Variants in NEBL observed in about 807,000 individuals in gnomAD.
NEBL encodes the protein LIM and SH3 protein 2.
Under a neutral mutation model 140.2 loss-of-function variants are expected in NEBL, and 122 were observed. That is an observed-to-expected ratio of 0.87 (90% confidence interval 0.75 to 1.01). The LOEUF (loss-of-function observed/expected upper bound fraction) is 1.01. NEBL is among the 50% of genes least tolerant of loss of function. NEBL has a pLI of 0.00. For missense variants in NEBL, 1,365 were observed against 1,231.3 expected (o/e 1.11, Z -1.62); for synonymous variants, 436 against 398.9 (o/e 1.09, Z -1.11).
intron 2 of NEBL, among the ~76,000 whole-genome samples, chr10:21,064,323 T>C (rs1835435423): frequency 1.3e-5 from 2 of 152,248 alleles, no homozygotes; most frequent in Admixed American, 1.3e-4. Context: ...GTTTTAGGAT[T>C]TCACTGCAAA....
chr10:20,788,380 A>G (rs745588656), intron 26 of NEBL, among the ~76,000 whole-genome samples: 4 of 152,176 alleles, frequency 2.6e-5, no homozygotes, highest in Non-Finnish European at 5.9e-5. Flanking sequence ...TTTATTCAGA[A>G]CAGTTTTTAT....
chr10:20,894,371 G>A (rs1169074618), intron 2 of NEBL, among the ~76,000 whole-genome samples: 1 of 152,020 alleles, frequency 6.6e-6, no homozygotes, highest in Admixed American at 6.6e-5. Flanking sequence ...CACTTGGAAG[G>A]CTAAGGCTGG....
chr10:21,019,739 G>C (rs11012492), intron 3 of NEBL, among the ~76,000 whole-genome samples: 41,303 of 152,136 alleles, frequency 0.27, 11,017 homozygotes, highest in African/African-American at 0.68. Flanking sequence ...GGTGTTAGCC[G>C]CACACACACT....
rs1366351915 is a variant in NEBL at position 20,785,041 on chromosome 10, G to T, written c.*706C>A. 6.5e-6 allele frequency: 1 copy of T among 152,998 alleles called. No homozygotes were observed. Among genetic ancestry groups the T allele is most frequent in the Non-Finnish European group, 1.5e-5 (1 of 68,340 alleles). The allele number at this position is 152,998 out of a possible 1,614,324, so 9.5% of individuals were successfully genotyped here. ...GACATTATAATTTGCCCTTTGCAGA[G>T]TAGCTGTGAAGTTATTTGGTCCTGA... On this transcript the variant is annotated 3_prime_UTR_variant, in exon 28 of 28. Coordinates refer to ENST00000377122, the MANE Select transcript of NEBL (RefSeq NM_006393.3).
At position 20,812,894 on chromosome 10, in the gene NEBL, G is replaced by A. The variant is rs1439322657; in HGVS notation, c.2393C>T (p.Thr798Ile). Residue 798 changes from threonine (T) to isoleucine (I), a missense_variant, in exon 24 of 28, where the codon ACT becomes ATT. Thr to Ile is a moderately conservative substitution (Grantham distance 89, BLOSUM62 -1). Coordinates refer to ENST00000377122, the MANE Select transcript of NEBL (RefSeq NM_006393.3). ...DFEKTKGRGF[T>I]PVVDDPVTER... ...TGTCACAGGATCGTCCACGACGGGA[G>A]TAAAGCCTCTCCCCTTTGTTTTTTC... 13 of 1,613,854 alleles carry A rather than the reference G, an allele frequency of 8.1e-6. No homozygotes were observed. Among genetic ancestry groups the A allele is most frequent in the African/African-American group, 1.3e-5 (1 of 74,906 alleles).
At chr10:21,278,031 A>C (rs1218701133) in intron 1 of NEBL, among the ~76,000 whole-genome samples, 2 of 152,322 alleles carry the variant, frequency 1.3e-5, no homozygotes, top group Non-Finnish European at 2.9e-5. Context: ...TGCTCAGTAA[A>C]TTTTAGCTGC....
At chr10:21,104,732 T>C (rs1837631668) in intron 2 of NEBL, among the ~76,000 whole-genome samples, 1 of 152,190 alleles carries the variant, frequency 6.6e-6, no homozygotes, top group African/African-American at 2.4e-5. Flanking sequence ...TCTCCTGCCT[T>C]ACTGCACTGA....
At chr10:20,980,118 G>T (rs1037950045) in intron 3 of NEBL, among the ~76,000 whole-genome samples, 1 of 151,082 alleles carries the variant, frequency 6.6e-6, no homozygotes, top group African/African-American at 2.4e-5. Context: ...CATAGGGCTT[G>T]TATTCAAAGA....
intron 4 of NEBL, among the ~76,000 whole-genome samples, chr10:20,912,886 T>C (rs1024499254): frequency 2.7e-5 from 4 of 150,644 alleles, no homozygotes; most frequent in African/African-American, 9.8e-5. Flanking sequence ...CAATTCTTTT[T>C]TTTTTTTTTT....
chr10:20,819,659 A>G, intron 19 of NEBL, 143 bp from the exon 20 acceptor site: 4 of 1,037,000 alleles, frequency 3.9e-6, no homozygotes, highest in South Asian at 2.8e-5. Flanking sequence ...TGAAATATGT[A>G]TTGCTTATAG....
chr10:21,110,665 G>A, intron 2 of NEBL: 1 of 443,016 alleles, frequency 2.3e-6, no homozygotes, highest in Non-Finnish European at 4.4e-6. Context: ...TCCTACCTAA[G>A]CATATGCCAC....
At chr10:21,100,421 T>C (rs983817730) in intron 2 of NEBL, among the ~76,000 whole-genome samples, 2 of 152,210 alleles carry the variant, frequency 1.3e-5, no homozygotes, top group Admixed American at 6.5e-5. Flanking sequence ...GCCGCAGTTG[T>C]TAGAGCTGGA....
intron 3 of NEBL, among the ~76,000 whole-genome samples, chr10:20,968,347 A>G (rs1481331193): frequency 6.6e-6 from 1 of 152,010 alleles, no homozygotes; most frequent in Non-Finnish European, 1.5e-5. Flanking sequence ...TCTTAAAAAA[A>G]AAAAAAAATT....
At chr10:21,226,802 C>T (rs72798577) in intron 3 of NEBL, among the ~76,000 whole-genome samples, 3,383 of 152,268 alleles carry the variant, frequency 0.022, 56 homozygotes, top group Middle Eastern at 0.082. Context: ...CTCTTCAGTG[C>T]CTGTTTTGGT....
At chr10:21,106,565 A>T (rs1179624999) in intron 2 of NEBL, among the ~76,000 whole-genome samples, 1 of 152,176 alleles carries the variant, frequency 6.6e-6, no homozygotes, top group Non-Finnish European at 1.5e-5. Flanking sequence ...TGGTACCAGT[A>T]CCAGCCTGTT....
chr10:20,919,969 GAA>G (rs34133056), intron 4 of NEBL, among the ~76,000 whole-genome samples: 13 of 151,810 alleles, frequency 8.6e-5, no homozygotes, highest in Admixed American at 7.9e-4. Flanking sequence ...TAAAAATTGA[GAA>G]AAAAAATCAA....
chr10:20,852,884 T>C (rs1346702546), intron 9 of NEBL, among the ~76,000 whole-genome samples: 2 of 152,126 alleles, frequency 1.3e-5, no homozygotes, highest in African/African-American at 4.8e-5. Flanking sequence ...AGAGGACAAT[T>C]AACCGCAAAC....
At chr10:21,202,467 T>TTTTC (rs1564541883) in intron 3 of NEBL, among the ~76,000 whole-genome samples, 3 of 144,466 alleles carry the variant, frequency 2.1e-5, no homozygotes, top group African/African-American at 7.8e-5. Context: ...TTTTCTTTTT[T>TTTTC]TTTTTTTTTT....
At chr10:21,258,146 A>G (rs7921330) in intron 1 of NEBL, among the ~76,000 whole-genome samples, 46,520 of 151,604 alleles carry the variant, frequency 0.31, 10,204 homozygotes, top group African/African-American at 0.62. Flanking sequence ...CTATAAGCTG[A>G]GCACAGTGAC....
Sources: allele counts gnomAD v4.1 joint callset (sites outside exome capture counted in the v4.1 genomes callset), GRCh38; gene constraint gnomAD v4.1.1; transcripts MANE v1.5; gene names NCBI Gene and HGNC (gene_info 2026-07-23, HGNC 2026-07-21).